The following CARM1 variants were observed in gnomAD, a reference collection of about 807,000 sequenced individuals.
CARM1 encodes the protein histone-arginine methyltransferase CARM1.
A neutral mutation model predicts 72.7 loss-of-function variants in CARM1; 14 were observed. The observed-to-expected ratio is 0.19, with a 90% confidence interval of 0.13 to 0.30. The LOEUF (loss-of-function observed/expected upper bound fraction) is 0.30. Among genes scored for constraint, CARM1 ranks in the 10% least tolerant of loss-of-function variants. The probability of loss-of-function intolerance (pLI) is 1.00; values close to 1 mark genes in which losing one functional copy is unlikely to be tolerated. For synonymous variants in CARM1, 333 were observed against 345.5 expected (o/e 0.96, Z 0.40); for missense variants, 432 against 833.7 (o/e 0.52, Z 5.93).
At chr19:10,919,293 C>A (rs931761704) in intron 8 of CARM1, 1 of 320,198 alleles carries the variant, frequency 3.1e-6, no homozygotes, top group African/African-American at 2.1e-5. Context: ...TCCAGTGTGT[C>A]GCTACCACGG....
rs906686076 is a variant in CARM1, at chr19:10,893,580, C to T, written c.221-11371C>T. Reference sequence around the variant, plus strand: ...GTCTCGATCTCCTGACCTTGTGACCCGCCTGCCTTGGCCTCCCAAAGGGCT... The same window carrying T: ...GTCTCGATCTCCTGACCTTGTGACCTGCCTGCCTTGGCCTCCCAAAGGGCT... On this transcript the variant is annotated intron_variant, in intron 1 of 15. Coordinates refer to ENST00000327064, the MANE Select transcript of CARM1 (RefSeq NM_199141.2). Among the ~76,000 whole-genome samples the T allele has an allele frequency of 3.9e-5, 6 of 152,278 alleles. No homozygotes were observed. In the South Asian group the frequency reaches 1.0e-3, roughly 26 times the overall value.
chr19:10,885,891 T>TC (rs1186841062), intron 1 of CARM1, among the ~76,000 whole-genome samples: 8,940 of 82,928 alleles, frequency 0.11, 1,459 homozygotes, highest in Middle Eastern at 0.17. Flanking sequence ...CTCCCTCATT[T>TC]TTTTTTTTTT....
chr19:10,902,126 C>T (rs547891798), intron 1 of CARM1, among the ~76,000 whole-genome samples: 2 of 150,978 alleles, frequency 1.3e-5, no homozygotes, highest in African/African-American at 4.9e-5. Flanking sequence ...CACCTGTAGT[C>T]CCCCAGCTAC....
chr19:10,893,294 C>T (rs903066103), intron 1 of CARM1, among the ~76,000 whole-genome samples: 4 of 152,118 alleles, frequency 2.6e-5, no homozygotes, highest in African/African-American at 4.8e-5. Context: ...GCTTCGGCCT[C>T]CCATAGTGCT....
chr19:10,919,804 A>G, intron 9 of CARM1, 73 bp from the exon 10 acceptor site: 1 of 1,492,028 alleles, frequency 6.7e-7, no homozygotes, highest in Non-Finnish European at 9.3e-7. Flanking sequence ...AGGCCTCTGC[A>G]CCTGGCACCC....
chr19:10,873,533 G>C (rs2073836289), intron 1 of CARM1, among the ~76,000 whole-genome samples: 1 of 149,246 alleles, frequency 6.7e-6, no homozygotes, highest in Admixed American at 6.7e-5. Flanking sequence ...AGGTTGCAAT[G>C]AGCTGAGATC....
intron 8 of CARM1, among the ~76,000 whole-genome samples, chr19:10,917,357 G>A (rs568845564): frequency 6.7e-4 from 102 of 152,162 alleles, no homozygotes; most frequent in Admixed American, 3.5e-3. Context: ...GGCGCCTGTA[G>A]TCCCAGCTAC....
chr19:10,883,719 A>G (rs1279782078), intron 1 of CARM1, among the ~76,000 whole-genome samples: 6 of 152,198 alleles, frequency 3.9e-5, no homozygotes, highest in African/African-American at 1.4e-4. Flanking sequence ...ACGGCTGGCT[A>G]ATTTTTTAAA....
chr19:10,875,878 C>CT (rs201617757), intron 1 of CARM1, among the ~76,000 whole-genome samples: 533 of 140,188 alleles, frequency 3.8e-3, no homozygotes, highest in Non-Finnish European at 4.9e-3. Context: ...GGATGTCTGT[C>CT]TTTTTTTTTT....
At chr19:10,911,019 T>TAA (rs1220092049) in intron 4 of CARM1, among the ~76,000 whole-genome samples, 1 of 152,116 alleles carries the variant, frequency 6.6e-6, no homozygotes, top group African/African-American at 2.4e-5. Flanking sequence ...GCCGGCCAAG[T>TAA]AGCTGGGATT....
chr19:10,912,375 AC>A lies in CARM1; in HGVS notation c.669+86del, dbSNP rs2074158278. On this transcript the variant is annotated intron_variant, in intron 5 of 15. Coordinates refer to ENST00000327064, the MANE Select transcript of CARM1 (RefSeq NM_199141.2). The surrounding 1 kb of genome is among the most constrained non-coding windows in gnomAD (Gnocchi z 4.5). ...GGCCCCAGCCTAGAGAAGCTTGGGA[AC>A]CCCCAGGGGCCTGGGGACATTACTT... The A allele has an allele frequency of 5.9e-6, 6 of 1,020,326 alleles. No homozygotes were observed. Among genetic ancestry groups the A allele is most frequent in the Non-Finnish European group, 9.2e-6 (6 of 648,944 alleles). The allele number at this position is 1,020,326 out of a possible 1,614,324, so 63.2% of individuals were successfully genotyped here. A position where few individuals can be genotyped will look rare whatever the true frequency, so the allele number is the denominator to read the frequency against.
intron 1 of CARM1, among the ~76,000 whole-genome samples, chr19:10,889,121 C>T (rs1387749885): frequency 6.6e-6 from 1 of 152,178 alleles, no homozygotes; most frequent in Non-Finnish European, 1.5e-5. Flanking sequence ...AGTGCTCTGT[C>T]TCCTGAGATC....
intron 1 of CARM1, among the ~76,000 whole-genome samples, chr19:10,901,998 C>CT (rs1241209166): frequency 6.6e-6 from 1 of 152,128 alleles, no homozygotes; most frequent in Non-Finnish European, 1.5e-5. Context: ...AATCCCAGCA[C>CT]TTTGGGACGC....
rs2074270853 is a variant in CARM1 at position 10,922,439 on chromosome 19, TC to T, written c.*684del. ...CCTCGGCCCCTGCCTCTTGCTGCTG[TC>T]CTGTCCCCGAGCCCCTGCAGGTCCC... On this transcript the variant is annotated 3_prime_UTR_variant, in exon 16 of 16. Coordinates refer to ENST00000327064, the MANE Select transcript of CARM1 (RefSeq NM_199141.2). 1 of 152,776 alleles carries T rather than the reference TC, an allele frequency of 6.5e-6. No homozygotes were observed. The highest frequency in any genetic ancestry group is 1.5e-5 in the Non-Finnish European group (1 of 68,304). The allele number at this position is 152,776 out of a possible 1,614,324, so 9.5% of individuals were successfully genotyped here.
chr19:10,871,610 G>A lies in CARM1; in HGVS notation c.-93G>A, dbSNP rs868641144. ...CGGCAGCGGCGGCGGCGGCGGCGGC[G>A]GCGGCGGCGGCGGCGGCGGCGGCGG... On this transcript the variant is annotated 5_prime_UTR_variant, in exon 1 of 16. Transcript: ENST00000327064. The surrounding 1 kb of genome is among the most constrained non-coding windows in gnomAD (Gnocchi z 5.6). The A allele has an allele frequency of 7.5e-6, 1 of 132,792 alleles. No homozygotes were observed. Among genetic ancestry groups the A allele is most frequent in the Non-Finnish European group, 1.5e-5 (1 of 66,600 alleles). 8.2% of individuals were successfully genotyped at this position (132,792 alleles called of 1,614,324 possible).
intron 2 of CARM1, among the ~76,000 whole-genome samples, chr19:10,906,235 T>C (rs930957356): frequency 1.3e-5 from 2 of 152,116 alleles, no homozygotes; most frequent in Non-Finnish European, 1.5e-5. Context: ...ATTACAGGCA[T>C]GAGCCACTGC....
intron 1 of CARM1, among the ~76,000 whole-genome samples, chr19:10,889,372 T>G (rs1408232893): frequency 6.6e-6 from 1 of 151,528 alleles, no homozygotes; most frequent in Non-Finnish European, 1.5e-5. Flanking sequence ...TGGAGTGCAA[T>G]GGTGCAATCT....
At chr19:10,874,025 T>G (rs1325344743) in intron 1 of CARM1, among the ~76,000 whole-genome samples, 1 of 152,176 alleles carries the variant, frequency 6.6e-6, no homozygotes, top group East Asian at 1.9e-4. Context: ...TGTGTTTGTA[T>G]TTGTGTTTTT....
At chr19:10,885,310 C>T (rs1030734290) in intron 1 of CARM1, among the ~76,000 whole-genome samples, 5 of 152,138 alleles carry the variant, frequency 3.3e-5, no homozygotes, top group African/African-American at 9.7e-5. Context: ...TTTTGTCTGT[C>T]TCTTTAAAGC....
Sources: allele counts gnomAD v4.1 joint callset (sites outside exome capture counted in the v4.1 genomes callset), GRCh38; gene constraint gnomAD v4.1.1; non-coding constraint Gnocchi (gnomAD v3.1); transcripts MANE v1.5; gene names NCBI Gene and HGNC (gene_info 2026-07-23, HGNC 2026-07-21).